The following KRABD5 variants were observed in gnomAD, a reference collection of about 807,000 sequenced individuals.
KRABD5 encodes KRAB domain containing 5.
chr16:31,757,579 T>C, the KRABD5 span: 1 of 152,208 alleles, frequency 6.6e-6, no homozygotes, highest in Non-Finnish European at 1.5e-5. Flanking sequence ...TTGAATGCTG[T>C]AAGACTACAC....
chr16:31,737,722 A>G, the KRABD5 span, among the ~76,000 whole-genome samples: 2 of 152,166 alleles, frequency 1.3e-5, no homozygotes, highest in African/African-American at 4.8e-5. Flanking sequence ...GCTATGTAGT[A>G]TATTTTGAAA....
the KRABD5 span, among the ~76,000 whole-genome samples, chr16:31,736,217 G>C: frequency 6.6e-6 from 1 of 152,094 alleles, no homozygotes; most frequent in Non-Finnish European, 1.5e-5. Context: ...TTAGGAGCAT[G>C]AATTTATTTA....
chr16:31,736,658 C>T, the KRABD5 span, among the ~76,000 whole-genome samples: 5 of 151,686 alleles, frequency 3.3e-5, no homozygotes, highest in Admixed American at 6.6e-5. Flanking sequence ...GCTGGGATTA[C>T]AGGCACCCAC....
chr16:31,731,171 A>G, the KRABD5 span, among the ~76,000 whole-genome samples: 3 of 152,304 alleles, frequency 2.0e-5, no homozygotes, highest in Admixed American at 6.5e-5. Context: ...TCCAGTCATT[A>G]TAGACAGTTT....
chr16:31,735,854 C>T, the KRABD5 span, among the ~76,000 whole-genome samples: 1 of 152,104 alleles, frequency 6.6e-6, no homozygotes, highest in Non-Finnish European at 1.5e-5. Context: ...TGTTTTCTCC[C>T]ATTGTCTAGG....
At chr16:31,743,390 A>G in the KRABD5 span, among the ~76,000 whole-genome samples, 1 of 152,154 alleles carries the variant, frequency 6.6e-6, no homozygotes, top group East Asian at 1.9e-4. Flanking sequence ...TCCTTTCCCC[A>G]TTGCTTGTTT....
chr16:31,723,500 C>A, the KRABD5 span: 3 of 736,856 alleles, frequency 4.1e-6, no homozygotes, highest in Non-Finnish European at 6.5e-6. Flanking sequence ...GCTGCTGTCA[C>A]AGAGGGACAT....
chr16:31,736,749 ACCT>A, the KRABD5 span, among the ~76,000 whole-genome samples: 1 of 151,920 alleles, frequency 6.6e-6, no homozygotes, highest in Admixed American at 6.6e-5. Context: ...TGAACACCTG[ACCT>A]CAGGTGATCC....
chr16:31,728,418 G>A, the KRABD5 span, among the ~76,000 whole-genome samples: 1 of 151,618 alleles, frequency 6.6e-6, no homozygotes, highest in Non-Finnish European at 1.5e-5. Flanking sequence ...TCTTAATGTA[G>A]AACTTTATTA....
At chr16:31,755,389 T>G in the KRABD5 span, 1 of 501,702 alleles carries the variant, frequency 2.0e-6, no homozygotes, top group Non-Finnish European at 4.1e-6. Flanking sequence ...CCTACATATG[T>G]AAAGAATGTG....
At chr16:31,722,700 G>C in the KRABD5 span, 1 of 1,613,088 alleles carries the variant, frequency 6.2e-7, no homozygotes, top group Non-Finnish European at 8.5e-7. Context: ...CAGATCAGAA[G>C]CTTTTATATG....
chr16:31,719,155 G>C, the KRABD5 span, among the ~76,000 whole-genome samples: 4 of 152,166 alleles, frequency 2.6e-5, no homozygotes, highest in Non-Finnish European at 5.9e-5. Context: ...GATGGATAAT[G>C]GCCAAATTCA....
the KRABD5 span, chr16:31,723,429 G>A: frequency 7.1e-7 from 1 of 1,415,982 alleles, no homozygotes; most frequent in Non-Finnish European, 9.4e-7. Context: ...CTTGAAGTGT[G>A]GATTGGGAAG....
At chr16:31,713,643 C>T in the KRABD5 span, 1 of 662,466 alleles carries the variant, frequency 1.5e-6, no homozygotes, top group Non-Finnish European at 2.5e-6. Flanking sequence ...AGAGCGACCT[C>T]TGCCATGGCC....
chr16:31,741,707 G>T, the KRABD5 span, among the ~76,000 whole-genome samples: 1 of 151,762 alleles, frequency 6.6e-6, no homozygotes, highest in African/African-American at 2.4e-5. Context: ...TTAGGCCTTT[G>T]TCAGGTAGAT....
At chr16:31,717,675 T>C in the KRABD5 span, among the ~76,000 whole-genome samples, 88 of 152,332 alleles carry the variant, frequency 5.8e-4, no homozygotes, top group Non-Finnish European at 1.2e-3. Flanking sequence ...TCTCATTGTG[T>C]CATAGAACAG....
At chr16:31,733,639 T>C in the KRABD5 span, 17 of 455,804 alleles carry the variant, frequency 3.7e-5, no homozygotes, top group Admixed American at 2.1e-4. Flanking sequence ...TAAGTGTAAT[T>C]AAACAGTGTC....
At chr16:31,716,781 T>C in the KRABD5 span, among the ~76,000 whole-genome samples, 9 of 152,186 alleles carry the variant, frequency 5.9e-5, no homozygotes, top group Admixed American at 2.6e-4. Context: ...TTCAAGATTA[T>C]GGCCCTAGAT....
the KRABD5 span, chr16:31,759,545 CA>C: frequency 2.9e-5 from 25 of 877,100 alleles, no homozygotes; most frequent in Admixed American, 2.1e-4. Context: ...TACATCTTCA[CA>C]AAAAAAATCT....
Sources: gnomAD v4.1 joint callset for allele counts (sites outside exome capture counted in the v4.1 genomes callset) on GRCh38, gnomAD v4.1.1 for gene constraint, MANE v1.5 for transcripts, NCBI Gene and HGNC (gene_info 2026-07-23, HGNC 2026-07-21) for gene names.